CECR2: variants seen among roughly 807,000 people sequenced by gnomAD.
CECR2 encodes CECR2 histone acetyl-lysine reader.
CECR2 carries 30 observed loss-of-function variants against 154.5 expected under a neutral mutation model. The observed-to-expected ratio is 0.19, with a 90% confidence interval of 0.15 to 0.26. The LOEUF is 0.26. Ranked by LOEUF, CECR2 falls within the 10% of genes least tolerant of loss-of-function variation. The probability of loss-of-function intolerance (pLI) is 1.00; values close to 1 mark genes in which losing one functional copy is unlikely to be tolerated. For missense variants in CECR2, 1,743 were observed against 1,829.3 expected (o/e 0.95, Z 0.86); for synonymous variants, 725 against 683.7 (o/e 1.06, Z -0.94).
At chr22:17,367,377 CTTTTTT>C (rs568671353), upstream of CECR2, among the ~76,000 whole-genome samples, 1 of 147,688 alleles carries the variant, frequency 6.8e-6, no homozygotes, top group Non-Finnish European at 1.5e-5. Context: ...CGCAGTAACA[CTTTTTT>C]TTTTTAATTT....
At chr22:17,410,959 A>C (rs899678253) in intron 1 of CECR2, among the ~76,000 whole-genome samples, 5 of 152,226 alleles carry the variant, frequency 3.3e-5, no homozygotes, top group African/African-American at 1.2e-4. Flanking sequence ...GATGTTGCCC[A>C]AGGTCATATA....
rs571664926 is a variant in CECR2 at position 17,479,765 on chromosome 22, C to CTTT, written c.221+2101_221+2103dup. 1.6e-3 allele frequency among the ~76,000 whole-genome samples: 189 copies of CTTT among 117,058 alleles called. 1 individual carries two copies. Among genetic ancestry groups the CTTT allele is most frequent in the African/African-American group, 5.3e-3 (165 of 30,934 alleles). The allele number at this position is 117,058 out of a possible 152,430, so 76.8% of individuals were successfully genotyped here. On this transcript the variant is annotated intron_variant, in intron 2 of 18. Transcript: ENST00000262608. ...TTGACATCCCTACAATGTGGTCTTT[C>CTTT]TTTTTTTTTTTTTTTTTTTTGGGAC... is the stretch of plus-strand genomic sequence containing the variant.
chr22:17,443,144 C>T (rs2054609253), intron 1 of CECR2, among the ~76,000 whole-genome samples: 1 of 152,104 alleles, frequency 6.6e-6, no homozygotes, highest in Non-Finnish European at 1.5e-5. Context: ...TCTTAAAGGA[C>T]AAACGAAACT....
chr22:17,487,668 G>A (rs978430233), intron 2 of CECR2, among the ~76,000 whole-genome samples: 4 of 152,092 alleles, frequency 2.6e-5, no homozygotes, highest in African/African-American at 9.7e-5. Flanking sequence ...AAGCCTGGGT[G>A]TCTCAAAAAA....
chr22:17,414,902 C>T (rs1208758282), intron 1 of CECR2, among the ~76,000 whole-genome samples: 1 of 152,162 alleles, frequency 6.6e-6, no homozygotes, highest in East Asian at 1.9e-4. Flanking sequence ...TGGGGGCATG[C>T]TTACATGTTT....
chr22:17,481,744 T>C (rs1203907242), intron 2 of CECR2, among the ~76,000 whole-genome samples: 3 of 152,216 alleles, frequency 2.0e-5, no homozygotes, highest in Non-Finnish European at 4.4e-5. Context: ...CCTTGTAACA[T>C]GCTTGCACAT....
chr22:17,456,531 T>C (rs1323827546), intron 1 of CECR2, among the ~76,000 whole-genome samples: 1 of 152,234 alleles, frequency 6.6e-6, no homozygotes, highest in African/African-American at 2.4e-5. Context: ...CAGTAGTAAC[T>C]GTTTATTCCA....
At chr22:17,388,867 G>A (rs2063296096) in intron 1 of CECR2, among the ~76,000 whole-genome samples, 1 of 151,834 alleles carries the variant, frequency 6.6e-6, no homozygotes, top group South Asian at 2.1e-4. Flanking sequence ...AGGCTGGAGT[G>A]CAGTGGCACG....
chr22:17,361,378 C>T lies in CECR2; in HGVS notation c.-364+1355C>T, dbSNP rs545040004. On this transcript the variant is annotated intron_variant, in intron 1 of 18. Coordinates refer to the CECR2 transcript ENST00000400585. The stretch of plus-strand genomic sequence containing the variant: ...GCGGACACCTGTAATCTCAGCTACT[C>T]AGGAGGCTGAGGCAGGAGAACTGTT... 2.0e-5 allele frequency among the ~76,000 whole-genome samples: 3 copies of T among 151,676 alleles called. No individual in the cohort carries two copies. The South Asian group carries it at 6.3e-4, about 32-fold the overall frequency.
intron 1 of CECR2, among the ~76,000 whole-genome samples, chr22:17,361,122 C>T (rs749467619): frequency 2.0e-5 from 3 of 152,122 alleles, no homozygotes; most frequent in East Asian, 1.9e-4. Context: ...GAGATTGTGC[C>T]CCTGCTCTCC....
At chr22:17,470,122 A>G (rs1263896195) in intron 1 of CECR2, among the ~76,000 whole-genome samples, 1 of 152,088 alleles carries the variant, frequency 6.6e-6, no homozygotes. Context: ...ACTCAAAGAC[A>G]CACACACTGA....
At position 17,369,503 on chromosome 22, in the gene CECR2, G is replaced by C. The variant is rs1235895131; in HGVS notation, c.-281G>C. On this transcript the variant is annotated 5_prime_UTR_variant, in exon 1 of 19. Transcript: ENST00000262608. ...GACTCGATTATATTGTAGGGGACTG[G>C]GGGCGGCCGCCGCCGCAGCCGCGGG... 4.7e-5 allele frequency: 7 copies of C among 149,784 alleles called. No homozygotes were observed. Among genetic ancestry groups the C allele is most frequent in the Non-Finnish European group, 1.0e-4 (7 of 67,178 alleles). The allele number at this position is 149,784 out of a possible 1,614,324, so 9.3% of individuals were successfully genotyped here.
intron 1 of CECR2, among the ~76,000 whole-genome samples, chr22:17,377,398 C>G (rs2146456858): frequency 6.6e-6 from 1 of 151,588 alleles, no homozygotes; most frequent in Non-Finnish European, 1.5e-5. Context: ...ATTCTGGAGG[C>G]TGAAGGCATT....
chr22:17,361,290 C>T lies in CECR2; in HGVS notation c.-364+1267C>T, dbSNP rs143783623. 4.8e-4 allele frequency among the ~76,000 whole-genome samples: 73 copies of T among 152,250 alleles called. No homozygotes were observed. The East Asian group carries it at 0.014, about 29-fold the overall frequency. ...ATCATTGAGGTCAGGAGTTTGAGAC[C>T]AGCCTGGCCAACATGGCAAAACCCC... On this transcript the variant is annotated intron_variant, in intron 1 of 18. Coordinates refer to the CECR2 transcript ENST00000400585.
chr22:17,546,210 C>CG (rs1468211056), intron 16 of CECR2, among the ~76,000 whole-genome samples: 1 of 151,896 alleles, frequency 6.6e-6, no homozygotes, highest in Non-Finnish European at 1.5e-5. Flanking sequence ...CTGTTTAGGC[C>CG]GGCGCGATGG....
At chr22:17,523,672 C>T (rs774689619) in intron 8 of CECR2, among the ~76,000 whole-genome samples, 4 of 145,644 alleles carry the variant, frequency 2.7e-5, no homozygotes, top group Non-Finnish European at 4.5e-5. Context: ...AGGAGAATGG[C>T]GTGAACCCGG....
At chr22:17,472,997 C>G (rs1015809374) in intron 1 of CECR2, among the ~76,000 whole-genome samples, 1 of 152,110 alleles carries the variant, frequency 6.6e-6, no homozygotes, top group African/African-American at 2.4e-5. Flanking sequence ...TGGGGCTAGT[C>G]CCCTTGCTCA....
intron 1 of CECR2, among the ~76,000 whole-genome samples, chr22:17,371,285 A>G (rs1364325173): frequency 6.6e-6 from 1 of 152,148 alleles, no homozygotes; most frequent in African/African-American, 2.4e-5. Context: ...GTCTAGGGCC[A>G]CTCACTGGCT....
intron 1 of CECR2, among the ~76,000 whole-genome samples, chr22:17,455,006 T>C (rs2054832078): frequency 6.6e-6 from 1 of 152,208 alleles, no homozygotes; most frequent in African/African-American, 2.4e-5. Flanking sequence ...CCGGTTTCCA[T>C]TGGCTGGAAC....
Sources: allele counts gnomAD v4.1 joint callset (sites outside exome capture counted in the v4.1 genomes callset), GRCh38; gene constraint gnomAD v4.1.1; transcripts MANE v1.5; gene names NCBI Gene and HGNC (gene_info 2026-07-23, HGNC 2026-07-21).